The following ZNF596 variants were observed in gnomAD, a reference collection of about 807,000 sequenced individuals.
ZNF596 encodes the protein zinc finger protein 596.
Under a neutral mutation model 48.3 loss-of-function variants are expected in ZNF596, and 45 were observed. The observed-to-expected ratio is 0.93, with a 90% CI of 0.73 to 1.19. ZNF596 has a LOEUF of 1.19. ZNF596 is among the 50% of genes most tolerant of loss of function. The pLI, the probability that ZNF596 is intolerant of heterozygous loss-of-function variation, is 0.00. For synonymous variants in ZNF596, 270 were observed against 202.0 expected (o/e 1.34, Z -2.85); for missense variants, 848 against 599.7 (o/e 1.41, Z -4.32).
At chr8:242,509 A>T (rs568763915) in intron 2 of ZNF596, among the ~76,000 whole-genome samples, 2 of 151,618 alleles carry the variant, frequency 1.3e-5, no homozygotes, top group South Asian at 4.1e-4. Flanking sequence ...GTGACAAATT[A>T]TGGATGCTGC....
rs372034483 is a variant in ZNF596, at chr8:235,359, T to C, written c.-73+2665T>C. On this transcript the variant is annotated intron_variant, in intron 1 of 5. Coordinates refer to ENST00000398612, the MANE Select transcript of ZNF596 (RefSeq NM_001042416.3). ...GGGGTTTGATCGCAGAGTAAATAAA[T>C]GGTGCATTTTATAATGTAATATATT... is the stretch of plus-strand genomic sequence containing the variant. Among the ~76,000 whole-genome samples the C allele has an allele frequency of 3.3e-5, 5 of 152,316 alleles. No homozygotes were observed. In the East Asian group the frequency reaches 5.8e-4, roughly 18 times the overall value.
At chr8:233,273 G>A (rs753193504) in intron 1 of ZNF596, 1 of 365,772 alleles carries the variant, frequency 2.7e-6, no homozygotes. Context: ...GGCCTTGACC[G>A]TCAGTAGCAG....
At chr8:232,875 C>T (rs1249085519) in intron 1 of ZNF596, 181 bp downstream of exon 1, 1 of 464,904 alleles carries the variant, frequency 2.2e-6, no homozygotes, top group South Asian at 1.6e-5. Flanking sequence ...TCAGACAGGA[C>T]CCTGAGTCCG....
At chr8:244,264 A>G (rs1485150166) in intron 4 of ZNF596, 1 of 250,892 alleles carries the variant, frequency 4.0e-6, no homozygotes, top group Non-Finnish European at 7.5e-6. Context: ...AGATATTGTC[A>G]TTATACTTTG....
intron 1 of ZNF596, among the ~76,000 whole-genome samples, chr8:238,221 T>G (rs7830720): frequency 6.6e-6 from 1 of 152,132 alleles, no homozygotes; most frequent in African/African-American, 2.4e-5. Flanking sequence ...GAGGCTTGTG[T>G]GGAGGTTTAT....
chr8:246,442 G>T lies in ZNF596; in HGVS notation c.*80G>T. On this transcript the variant is annotated 3_prime_UTR_variant, in exon 6 of 6. Coordinates refer to ENST00000398612, the MANE Select transcript of ZNF596 (RefSeq NM_001042416.3). The stretch of plus-strand genomic sequence containing the variant: ...GAATATTATGTCTGTAATCAGTGTG[G>T]AAAAGCCTTTATTTATATTTACCAC... The T allele has an allele frequency of 2.0e-6, 3 of 1,489,084 alleles. No individual in the cohort carries two copies. The highest frequency in any genetic ancestry group is 2.7e-6 in the Non-Finnish European group (3 of 1,119,988). The allele number at this position is 1,489,084 out of a possible 1,614,324, so 92.2% of individuals were successfully genotyped here.
At chr8:241,310 C>G (rs1371614692) in intron 2 of ZNF596, among the ~76,000 whole-genome samples, 1 of 152,048 alleles carries the variant, frequency 6.6e-6, no homozygotes. Context: ...ATAGCCCATA[C>G]AAAGGCAAGC....
chr8:236,523 ACTGCT>A (rs1377410385), intron 1 of ZNF596, among the ~76,000 whole-genome samples: 1 of 152,084 alleles, frequency 6.6e-6, no homozygotes, highest in African/African-American at 2.4e-5. Context: ...TCTTTTGTTA[ACTGCT>A]GAATATATTG....
At position 238,837 on chromosome 8, in the gene ZNF596, G is replaced by A. The variant is rs897937438; in HGVS notation, c.-72-1987G>A. Among the ~76,000 whole-genome samples the A allele has an allele frequency of 9.9e-5, 15 of 151,786 alleles. No homozygotes were observed. In the South Asian group the frequency reaches 2.9e-3, roughly 30 times the overall value. On this transcript the variant is annotated intron_variant, in intron 1 of 5. Transcript: ENST00000398612. ...AAAAGAAAAAGAAATGGAGGTTTCT[G>A]ATTTTCCTGATAAGAATTACAGGTA...
chr8:242,247 C>T (rs144037613), intron 2 of ZNF596, among the ~76,000 whole-genome samples: 10 of 149,830 alleles, frequency 6.7e-5, no homozygotes, highest in African/African-American at 2.3e-4. Flanking sequence ...TAACAGTGAA[C>T]ACCTGAGTTG....
intron 2 of ZNF596, among the ~76,000 whole-genome samples, 186 bp downstream of exon 2, chr8:241,093 G>A (rs1796836000): frequency 1.3e-5 from 2 of 152,180 alleles, no homozygotes; most frequent in Admixed American, 1.3e-4. Flanking sequence ...CCTTTCAACA[G>A]TACACTAAGG....
At chr8:238,632 A>G (rs975547294) in intron 1 of ZNF596, among the ~76,000 whole-genome samples, 15 of 112,502 alleles carry the variant, frequency 1.3e-4, no homozygotes, top group African/African-American at 5.6e-4. Context: ...GAAATACAAA[A>G]AAAAAAAAAA....
intron 1 of ZNF596, among the ~76,000 whole-genome samples, chr8:238,628 CAAAAAAAAAAAAAAAA>C (rs1167168569): frequency 5.0e-5 from 2 of 39,882 alleles, no homozygotes; most frequent in Admixed American, 3.6e-4. Context: ...TGGTGAAATA[CAAAAAAAAAAAAAAAA>C]AAAAAAAAAA....
At chr8:243,334 TTAAAG>T (rs1416078530) in intron 3 of ZNF596, 2 of 267,800 alleles carry the variant, frequency 7.5e-6, no homozygotes, top group African/African-American at 2.2e-5. Context: ...ATTGATTTCT[TTAAAG>T]TAATTATTCT....
chr8:232,602 C>T lies in ZNF596; in HGVS notation c.-165C>T. On this transcript the variant is annotated 5_prime_UTR_variant, in exon 1 of 6. Coordinates refer to ENST00000398612, the MANE Select transcript of ZNF596 (RefSeq NM_001042416.3). ...TGTCGCCCAGCTGCCAGATCTGCGT[C>T]TGTGTCCGGTTCCGTCACTGAGGTC... 1 of 326,854 alleles carries T rather than the reference C, an allele frequency of 3.1e-6. No homozygotes were observed. The highest frequency in any genetic ancestry group is 6.3e-6 in the Non-Finnish European group (1 of 159,082). 20.2% of individuals were successfully genotyped at this position (326,854 alleles called of 1,614,324 possible).
Position 243,743 on chromosome 8 carries a change from T to C in ZNF596, c.161T>C (p.Val54Ala), listed in dbSNP as rs1584912538. 1 of 1,613,696 alleles carries C rather than the reference T, an allele frequency of 6.2e-7. No individual in the cohort carries two copies. The highest frequency in any genetic ancestry group is 1.3e-5 in the African/African-American group (1 of 75,010). ...VSIGKQLCKS[V>A]VLSQLEQVEK... ...ACAGGCAAACAGCTCTGCAAATCAGTTGTGCTTTCCCAATTGGAGCAAGTA... is the reference window on the plus strand; with the variant it reads ...ACAGGCAAACAGCTCTGCAAATCAGCTGTGCTTTCCCAATTGGAGCAAGTA... Residue 54 changes from valine (V) to alanine (A), a missense_variant, in exon 4 of 6, where the codon GTT (valine) becomes GCT (alanine). By Grantham distance (64) the Val-to-Ala change is moderately conservative. Transcript: ENST00000398612.
At chr8:235,456 C>T (rs1796580760) in intron 1 of ZNF596, among the ~76,000 whole-genome samples, 2 of 151,388 alleles carry the variant, frequency 1.3e-5, no homozygotes, top group Non-Finnish European at 2.9e-5. Context: ...CTACTTTAAC[C>T]AGAACTTGAT....
In ZNF596 at chr8:238,566, C is replaced by T. The variant is rs547646896; in HGVS notation, c.-72-2258C>T. Among the ~76,000 whole-genome samples, 9 of 141,826 alleles carry T rather than the reference C, an allele frequency of 6.3e-5. No individual in the cohort carries two copies. In the South Asian group the frequency reaches 6.6e-4, roughly 10 times the overall value. 93.0% of individuals were successfully genotyped at this position (141,826 alleles called of 152,430 possible). A position where few individuals can be genotyped will look rare whatever the true frequency, so the allele number is the denominator to read the frequency against. ...TTGTAATCACAGCACTTTGAGAGGCCGAGGTAGGCAGATCATTTGAGGCCA... is the reference window on the plus strand; with the variant it reads ...TTGTAATCACAGCACTTTGAGAGGCTGAGGTAGGCAGATCATTTGAGGCCA... On this transcript the variant is annotated intron_variant, in intron 1 of 5. Transcript: ENST00000398612.
At chr8:233,120 T>C in intron 1 of ZNF596, 2 of 467,022 alleles carry the variant, frequency 4.3e-6, no homozygotes, top group South Asian at 1.6e-5. Flanking sequence ...GGGAGGGAAG[T>C]TTAGATGGGA....
Sources: allele counts gnomAD v4.1 joint callset (sites outside exome capture counted in the v4.1 genomes callset), GRCh38; gene constraint gnomAD v4.1.1; transcripts MANE v1.5; gene names NCBI Gene and HGNC (gene_info 2026-07-23, HGNC 2026-07-21).